UVRAG: variants seen among roughly 807,000 people sequenced by gnomAD.
UVRAG encodes UV radiation resistance associated.
UVRAG carries 19 observed loss-of-function variants against 78.0 expected under a neutral mutation model. The ratio of observed to expected loss-of-function variants is 0.24; its 90% confidence interval spans 0.17 to 0.36. The LOEUF is 0.36. UVRAG is among the 10% of genes least tolerant of loss of function. UVRAG has a pLI of 1.00. For missense variants in UVRAG, 740 were observed against 853.8 expected, an observed-to-expected ratio of 0.87 and a Z score of 1.66; for synonymous variants, 323 against 324.6, an observed-to-expected ratio of 1.00 and a Z score of 0.05.
chr11:75,969,853 C>T (rs1042829332), intron 7 of UVRAG, among the ~76,000 whole-genome samples: 1 of 152,124 alleles, frequency 6.6e-6, no homozygotes, highest in African/African-American at 2.4e-5. Context: ...CACTGAGTTC[C>T]CACGCTTCCT....
intron 1 of UVRAG, among the ~76,000 whole-genome samples, chr11:75,833,129 C>A (rs1033347530): frequency 2.0e-5 from 3 of 152,108 alleles, no homozygotes; most frequent in Non-Finnish European, 4.4e-5. Context: ...GAAAGAATTT[C>A]AAGCTTATGG....
chr11:76,097,305 C>A (rs895401464), intron 13 of UVRAG, among the ~76,000 whole-genome samples: 31 of 152,154 alleles, frequency 2.0e-4, no homozygotes, highest in Non-Finnish European at 4.0e-4. Flanking sequence ...ACATTACTCT[C>A]TCTCCTCCCT....
At chr11:75,882,504 C>T (rs1457972029) in intron 4 of UVRAG, among the ~76,000 whole-genome samples, 1 of 140,630 alleles carries the variant, frequency 7.1e-6, no homozygotes, top group Non-Finnish European at 1.6e-5. Flanking sequence ...CAGAGTGAGA[C>T]TCTATCTCAA....
chr11:75,920,622 C>T (rs1947960201), intron 6 of UVRAG, among the ~76,000 whole-genome samples: 1 of 152,072 alleles, frequency 6.6e-6, no homozygotes, highest in Non-Finnish European at 1.5e-5. Context: ...ACCACCCAAA[C>T]ACAGAACATA....
intron 12 of UVRAG, among the ~76,000 whole-genome samples, chr11:76,047,948 C>T (rs1237437007): frequency 6.6e-6 from 1 of 152,076 alleles, no homozygotes; most frequent in Non-Finnish European, 1.5e-5. Flanking sequence ...AACTAAATAG[C>T]AGAACTAAAC....
chr11:76,120,836 G>C (rs770258400), intron 14 of UVRAG, among the ~76,000 whole-genome samples: 2 of 152,224 alleles, frequency 1.3e-5, no homozygotes, highest in African/African-American at 2.4e-5. Flanking sequence ...TCCGAGAGCA[G>C]CCGTGGAGTG....
chr11:76,110,399 T>C (rs76104320), intron 13 of UVRAG, among the ~76,000 whole-genome samples: 2,003 of 152,248 alleles, frequency 0.013, 47 homozygotes, highest in African/African-American at 0.045. Context: ...AAGTGACTTA[T>C]TCAAAGTCAA....
At chr11:75,982,655 G>C (rs1226053748) in intron 7 of UVRAG, among the ~76,000 whole-genome samples, 1 of 152,180 alleles carries the variant, frequency 6.6e-6, no homozygotes, top group African/African-American at 2.4e-5. Context: ...GAAACGGGCA[G>C]GGGGGTTAGA....
chr11:76,009,113 A>C (rs1950003519), intron 11 of UVRAG, among the ~76,000 whole-genome samples: 1 of 152,170 alleles, frequency 6.6e-6, no homozygotes, highest in Non-Finnish European at 1.5e-5. Context: ...GCTTTAAGCA[A>C]ATTAGACAGT....
intron 13 of UVRAG, among the ~76,000 whole-genome samples, chr11:76,111,958 G>GA (rs567913093): frequency 0.013 from 1,775 of 141,358 alleles, 35 homozygotes; most frequent in African/African-American, 0.043. Flanking sequence ...AGGGTAAAGT[G>GA]AAAAAAAAAA....
At position 76,045,472 on chromosome 11, in the gene UVRAG, G is replaced by A. The variant is rs144826674; in HGVS notation, c.1227-20238G>A. On this transcript the variant is annotated intron_variant, in intron 12 of 14. Coordinates refer to ENST00000356136, the MANE Select transcript of UVRAG (RefSeq NM_003369.4). ...AGCCAAAATCATGAAAAAGAAATGT[G>A]GAGGAAAGAAAGAATATAGGGATAA... 4.2e-3 allele frequency among the ~76,000 whole-genome samples: 636 copies of A among 152,152 alleles called. 4 individuals carry two copies. Among genetic ancestry groups the A allele is most frequent in the African/African-American group, 0.015 (613 of 41,506 alleles).
At chr11:76,090,863 C>G (rs773516335) in intron 13 of UVRAG, among the ~76,000 whole-genome samples, 4 of 152,168 alleles carry the variant, frequency 2.6e-5, no homozygotes, top group Non-Finnish European at 5.9e-5. Flanking sequence ...AGAAATCTCT[C>G]CTAGAACTTC....
intron 8 of UVRAG, among the ~76,000 whole-genome samples, chr11:75,990,479 A>G (rs937886589): frequency 6.6e-6 from 1 of 152,180 alleles, no homozygotes; most frequent in Non-Finnish European, 1.5e-5. Context: ...GCAAAACACC[A>G]TCTGTTTTAT....
intron 12 of UVRAG, among the ~76,000 whole-genome samples, chr11:76,025,153 ACT>A (rs1423072058): frequency 6.6e-6 from 1 of 152,186 alleles, no homozygotes; most frequent in Non-Finnish European, 1.5e-5. Context: ...GTAAAGGGAA[ACT>A]CTGAAATCTT....
rs781574053 is a variant in UVRAG, at chr11:76,007,555, T to C, written c.933T>C (p.Asn311=). 1.2e-6 allele frequency: 2 copies of C among 1,613,800 alleles called. No homozygotes were observed. Among genetic ancestry groups the C allele is most frequent in the South Asian group, 2.2e-5 (2 of 91,042 alleles). ...TAKRELFLKT[N]AQLTIRCRQL... is the part of the protein sequence containing the mutation. ...TTAGAGAACTCTTCTTGAAGACTAA[T>C]GCTCAGTTGACAATTCGTTGCAGGC... The change falls in exon 10 of 15, where the codon AAT becomes AAC. Residue 311 remains asparagine (N), a synonymous_variant. Coordinates refer to ENST00000356136, the MANE Select transcript of UVRAG (RefSeq NM_003369.4).
chr11:76,005,988 G>GAGTTTGTATAGGTCTCA (rs1175295364), intron 9 of UVRAG, among the ~76,000 whole-genome samples: 2 of 121,314 alleles, frequency 1.6e-5, no homozygotes, highest in African/African-American at 1.1e-4. Context: ...TGTTGTGCAA[G>GAGTTTGTATAGGTCTCA]ATCTCCAGCC....
At chr11:76,006,973 G>A (rs1331368929) in intron 9 of UVRAG, among the ~76,000 whole-genome samples, 2 of 152,022 alleles carry the variant, frequency 1.3e-5, no homozygotes, top group Non-Finnish European at 2.9e-5. Context: ...AATAAATAAG[G>A]CCATTTGTAG....
intron 4 of UVRAG, among the ~76,000 whole-genome samples, chr11:75,884,226 C>CTCTCTT (rs1555080635): frequency 7.3e-6 from 1 of 136,644 alleles, no homozygotes; most frequent in Non-Finnish European, 1.6e-5. Flanking sequence ...CTCTCTCTCT[C>CTCTCTT]TCTCTCTCTC....
intron 9 of UVRAG, 100 bp downstream of exon 9, chr11:76,004,189 GC>G: frequency 8.8e-7 from 1 of 1,134,788 alleles, no homozygotes; most frequent in Non-Finnish European, 1.3e-6. Flanking sequence ...TTAATTTATA[GC>G]CCATATACCT....
Sources: gnomAD v4.1 joint callset for allele counts (sites outside exome capture counted in the v4.1 genomes callset) on GRCh38, gnomAD v4.1.1 for gene constraint, MANE v1.5 for transcripts, NCBI Gene and HGNC (gene_info 2026-07-23, HGNC 2026-07-21) for gene names.